STK32B: variants seen among roughly 807,000 people sequenced by gnomAD.
The protein encoded by STK32B is serine/threonine-protein kinase 32B.
In STK32B, 43 loss-of-function variants were observed where a neutral mutation model predicts 52.6. That is an observed-to-expected ratio of 0.82 (90% CI 0.64 to 1.05). The LOEUF (loss-of-function observed/expected upper bound fraction) is 1.05. Among genes scored for constraint, STK32B ranks in the 50% least tolerant of loss-of-function variants. STK32B has a pLI of 0.00. For synonymous variants in STK32B, 238 were observed against 204.3 expected (o/e 1.17, Z -1.41); for missense variants, 621 against 534.6 (o/e 1.16, Z -1.59).
intron 4 of STK32B, among the ~76,000 whole-genome samples, chr4:5,336,462 A>C (rs1405056695): frequency 6.6e-6 from 1 of 152,192 alleles, no homozygotes; most frequent in Admixed American, 6.5e-5. Flanking sequence ...AATAAAGCTT[A>C]GGTTAAACAG....
At chr4:5,183,711 G>A (rs920337238) in intron 3 of STK32B, among the ~76,000 whole-genome samples, 1 of 152,146 alleles carries the variant, frequency 6.6e-6, no homozygotes, top group Admixed American at 6.5e-5. Context: ...AGCCACCTTT[G>A]TCAATGACCG....
intron 5 of STK32B, among the ~76,000 whole-genome samples, chr4:5,406,610 G>T (rs1272777577): frequency 1.2e-4 from 18 of 152,190 alleles, no homozygotes; most frequent in Admixed American, 1.2e-3. Context: ...AACACCCACA[G>T]GTTTAACATC....
chr4:5,138,171 A>G (rs1716185651), intron 1 of STK32B, among the ~76,000 whole-genome samples: 1 of 152,200 alleles, frequency 6.6e-6, no homozygotes, highest in African/African-American at 2.4e-5. Context: ...TAAATCAAAG[A>G]ACCAAGGTTT....
At chr4:5,371,040 A>ATG (rs1177790046) in intron 4 of STK32B, among the ~76,000 whole-genome samples, 6 of 149,852 alleles carry the variant, frequency 4.0e-5, no homozygotes, top group African/African-American at 1.5e-4. Flanking sequence ...ATATGTATAT[A>ATG]TATGTGTGTG....
chr4:5,025,508 A>T, the STK32B span, among the ~76,000 whole-genome samples: 2 of 152,146 alleles, frequency 1.3e-5, no homozygotes, highest in Admixed American at 1.3e-4. Context: ...TGGTGTGTAA[A>T]TATCCCTACT....
chr4:5,082,056 C>G (rs1349198182), intron 1 of STK32B, among the ~76,000 whole-genome samples: 1 of 152,148 alleles, frequency 6.6e-6, no homozygotes, highest in Non-Finnish European at 1.5e-5. Flanking sequence ...CTGTACTAGT[C>G]AGCCCAGCTA....
At chr4:5,492,298 C>T (rs959822312) in intron 11 of STK32B, among the ~76,000 whole-genome samples, 6 of 152,054 alleles carry the variant, frequency 3.9e-5, no homozygotes, top group Non-Finnish European at 7.4e-5. Context: ...CCTTCACATC[C>T]CTTGTAAGTT....
intron 1 of STK32B, among the ~76,000 whole-genome samples, chr4:5,121,992 T>C (rs1479304642): frequency 2.0e-5 from 3 of 152,220 alleles, no homozygotes; most frequent in Non-Finnish European, 4.4e-5. Flanking sequence ...CATAGAACCA[T>C]GCAAGAGTGA....
intron 11 of STK32B, among the ~76,000 whole-genome samples, chr4:5,494,610 C>G (rs1198911189): frequency 6.6e-6 from 1 of 152,196 alleles, no homozygotes; most frequent in Non-Finnish European, 1.5e-5. Flanking sequence ...GAATTTGATC[C>G]TGTCATGATG....
chr4:5,428,179 G>A (rs1018967115), intron 6 of STK32B, among the ~76,000 whole-genome samples: 9 of 152,070 alleles, frequency 5.9e-5, no homozygotes, highest in South Asian at 4.2e-4. Flanking sequence ...AGGCCGACGC[G>A]GGCGGATCAC....
At chr4:5,393,576 T>C (rs937048736) in intron 4 of STK32B, among the ~76,000 whole-genome samples, 1 of 152,234 alleles carries the variant, frequency 6.6e-6, no homozygotes. Context: ...GAAGCAGGCA[T>C]GTCTTACATG....
intron 11 of STK32B, among the ~76,000 whole-genome samples, chr4:5,491,897 G>A (rs199806358): frequency 1.1e-4 from 17 of 152,268 alleles, no homozygotes; most frequent in Admixed American, 6.5e-4. Flanking sequence ...GTAGATATGC[G>A]GAGTTATTTC....
intron 3 of STK32B, among the ~76,000 whole-genome samples, chr4:5,275,292 T>G (rs192522974): frequency 1.4e-4 from 22 of 152,354 alleles, no homozygotes; most frequent in African/African-American, 4.8e-4. Flanking sequence ...CAGAGAGAGA[T>G]AGAACGAATT....
At chr4:5,159,561 GAA>G (rs1560185706) in intron 2 of STK32B, among the ~76,000 whole-genome samples, 1 of 29,908 alleles carries the variant, frequency 3.3e-5, no homozygotes, top group Non-Finnish European at 6.6e-5. Context: ...GAATATATAT[GAA>G]TGAATATATA....
At chr4:5,019,421 C>T in the STK32B span, 3 of 1,479,482 alleles carry the variant, frequency 2.0e-6, no homozygotes, top group East Asian at 2.8e-5. Flanking sequence ...AGCAGCAGCA[C>T]GGGCAGAGGC....
At chr4:5,200,580 T>C (rs976565611) in intron 3 of STK32B, among the ~76,000 whole-genome samples, 12 of 152,148 alleles carry the variant, frequency 7.9e-5, no homozygotes, top group African/African-American at 2.9e-4. Context: ...ATTAGTATAT[T>C]GGCAAAACTC....
intron 1 of STK32B, among the ~76,000 whole-genome samples, chr4:5,061,038 T>C (rs973879768): frequency 1.3e-5 from 2 of 152,236 alleles, no homozygotes; most frequent in Admixed American, 6.5e-5. Context: ...TTAGTGGCTT[T>C]GTTAGTGTTG....
At chr4:5,160,745 G>A (rs1426776269) in intron 2 of STK32B, among the ~76,000 whole-genome samples, 2 of 152,216 alleles carry the variant, frequency 1.3e-5, no homozygotes, top group Non-Finnish European at 2.9e-5. Flanking sequence ...TTGTCATGGG[G>A]TTCACAACTC....
chr4:5,397,962 A>G (rs1737025307), intron 4 of STK32B, among the ~76,000 whole-genome samples: 2 of 152,266 alleles, frequency 1.3e-5, no homozygotes, highest in Admixed American at 6.5e-5. Flanking sequence ...GAGGCTAAAA[A>G]TTAAGAATAT....
Sources: gnomAD v4.1 joint callset for allele counts (sites outside exome capture counted in the v4.1 genomes callset) on GRCh38, gnomAD v4.1.1 for gene constraint, MANE v1.5 for transcripts, NCBI Gene and HGNC (gene_info 2026-07-23, HGNC 2026-07-21) for gene names.